ANXA7: variants seen among roughly 807,000 people sequenced by gnomAD.
ANXA7 encodes the protein annexin A7.
Under a neutral mutation model 64.9 loss-of-function variants are expected in ANXA7, and 55 were observed. The ratio of observed to expected loss-of-function variants is 0.85; its 90% CI spans 0.68 to 1.06. ANXA7 has a LOEUF of 1.06. Ranked by LOEUF, ANXA7 falls within the 50% of genes least tolerant of loss-of-function variation. ANXA7 has a pLI of 0.00. For synonymous variants in ANXA7, 200 were observed against 192.4 expected (o/e 1.04, Z -0.33); for missense variants, 548 against 582.1 (o/e 0.94, Z 0.60).
At chr10:73,380,850 C>T (rs2055263755) in intron 9 of ANXA7, among the ~76,000 whole-genome samples, 1 of 152,114 alleles carries the variant, frequency 6.6e-6, no homozygotes, top group African/African-American at 2.4e-5. Flanking sequence ...ATGCACTGTA[C>T]TGAGTTCTAC....
intron 8 of ANXA7, 52 bp from the exon 9 acceptor site, chr10:73,383,397 T>C (rs2055307592): frequency 2.0e-6 from 3 of 1,508,786 alleles, no homozygotes; most frequent in Non-Finnish European, 2.7e-6. Flanking sequence ...TTTCTGCAAG[T>C]AATTAAATCT....
Position 73,380,135 on chromosome 10 carries a change from G to A in ANXA7, c.985C>T (p.Gln329Ter). Residue 329 changes from glutamine to a stop codon, truncating the protein, a stop_gained, in exon 10 of 13, where the codon CAA becomes TAA. Transcript: ENST00000372921. LOFTEE classifies it high-confidence loss of function. ...GTCCCTAGTCTCCCCTCACCAGCTT[G>A]ATAGAGACGCTGAGCATCTTCCTGA... ...MAQEDAQRLY[Q>*]AGEGRLGTDE... 6.2e-7 allele frequency: 1 copy of A among 1,614,118 alleles called. No individual in the cohort carries two copies. Among genetic ancestry groups the A allele is most frequent in the Non-Finnish European group, 8.5e-7 (1 of 1,180,016 alleles).
rs112715179 is a variant in ANXA7, at chr10:73,392,355, C to T, written c.436-3941G>A. ...ATCCTCAGTAACTCATTTTATAAGGCCAACATCATCATGATAACAAAGCCT... is the reference window on the plus strand; with the variant it reads ...ATCCTCAGTAACTCATTTTATAAGGTCAACATCATCATGATAACAAAGCCT... On this transcript the variant is annotated intron_variant, in intron 5 of 12. Transcript: ENST00000372921. Among the ~76,000 whole-genome samples, 442 of 152,236 alleles carry T rather than the reference C, an allele frequency of 2.9e-3. 1 individual carries two copies. Among genetic ancestry groups the T allele is most frequent in the Admixed American group, 8.0e-3 (123 of 15,288 alleles).
chr10:73,396,647 A>C, intron 4 of ANXA7, 64 bp from the exon 5 acceptor site: 1 of 993,910 alleles, frequency 1.0e-6, no homozygotes, highest in East Asian at 2.6e-5. Flanking sequence ...ATTTTTCAAA[A>C]CAGCATTGAT....
chr10:73,383,948 T>C (rs766539137), intron 7 of ANXA7, among the ~76,000 whole-genome samples: 2 of 152,000 alleles, frequency 1.3e-5, no homozygotes, highest in African/African-American at 2.4e-5. Flanking sequence ...GGTGAAACCC[T>C]GTCTCTACTA....
chr10:73,377,904 CGT>C (rs141696096), intron 12 of ANXA7, among the ~76,000 whole-genome samples: 5,953 of 118,996 alleles, frequency 0.05, 297 homozygotes, highest in African/African-American at 0.13. Context: ...CACGCCCCGG[CGT>C]GTGTGTGTGT....
At chr10:73,390,720 A>ATATAT in intron 5 of ANXA7, among the ~76,000 whole-genome samples, 1 of 112,596 alleles carries the variant, frequency 8.9e-6, no homozygotes, top group African/African-American at 4.2e-5. Context: ...ATATATATAT[A>ATATAT]AAAATATATA....
intron 1 of ANXA7, among the ~76,000 whole-genome samples, chr10:73,401,882 C>A (rs1211693185): frequency 6.6e-6 from 1 of 152,198 alleles, no homozygotes; most frequent in African/African-American, 2.4e-5. Flanking sequence ...TCCAGAACCA[C>A]ACCTGGCTGA....
chr10:73,376,586 C>T (rs1201206308), intron 12 of ANXA7, among the ~76,000 whole-genome samples: 1 of 152,182 alleles, frequency 6.6e-6, no homozygotes, highest in Non-Finnish European at 1.5e-5. Context: ...GGTGCAGCTG[C>T]TGTGGAAACT....
intron 1 of ANXA7, among the ~76,000 whole-genome samples, chr10:73,407,401 C>G (rs2055774512): frequency 6.6e-6 from 1 of 152,078 alleles, no homozygotes; most frequent in Non-Finnish European, 1.5e-5. Context: ...GTATATGAAT[C>G]CCTAGGGATC....
chr10:73,383,659 C>T lies in ANXA7; in HGVS notation c.665G>A (p.Ser222Asn). 2 of 1,613,170 alleles carry T rather than the reference C, an allele frequency of 1.2e-6. No individual in the cohort carries two copies. The highest frequency in any genetic ancestry group is 8.5e-7 in the Non-Finnish European group (1 of 1,179,206). Residue 222 changes from serine (S) to asparagine (N), a missense_variant, in exon 8 of 13, where the codon AGT becomes AAT. Coordinates refer to ENST00000372921, the MANE Select transcript of ANXA7 (RefSeq NM_001156.5). ...DLIKDLKSEL[S>N]GNMEELILAL... Reference sequence around the variant, plus strand: ...CAGGATCAGTTCTTCCATATTTCCACTTAACTCTGATTTGAGATCTTTGAT... The same window carrying T: ...CAGGATCAGTTCTTCCATATTTCCATTTAACTCTGATTTGAGATCTTTGAT...
At chr10:73,381,740 C>T (rs2055278890) in intron 9 of ANXA7, among the ~76,000 whole-genome samples, 1 of 152,140 alleles carries the variant, frequency 6.6e-6, no homozygotes, top group Non-Finnish European at 1.5e-5. Context: ...CATTTTTTAG[C>T]ATTGTCTGTT....
In ANXA7 at chr10:73,380,228, A is replaced by C. The variant is rs147533562; in HGVS notation, c.919-27T>G. On this transcript the variant is annotated intron_variant, in intron 9 of 12. Coordinates refer to ENST00000372921, the MANE Select transcript of ANXA7 (RefSeq NM_001156.5). ...TGCAAAAGAGAAAGGCAGGAATTGG[A>C]AGAAATAAATAATAGTTCTACTAAA... 4 of 1,589,234 alleles carry C rather than the reference A, an allele frequency of 2.5e-6. No homozygotes were observed. The African/African-American group carries it at 5.4e-5, about 22-fold the overall frequency.
rs912223313 is a variant in ANXA7, at chr10:73,400,833, T to G, written c.24A>C (p.Pro8=). The change falls in exon 2 of 13, where the codon CCA becomes CCC. Residue 8 remains proline (P), a synonymous_variant. Coordinates refer to ENST00000372921, the MANE Select transcript of ANXA7 (RefSeq NM_001156.5). Reference sequence around the variant, plus strand: ...ATCCAGGGAAAGGTGGGTAGCCTGTTGGGGGATAGCCTGGGTATGACATTC... The same window carrying G: ...ATCCAGGGAAAGGTGGGTAGCCTGTGGGGGGATAGCCTGGGTATGACATTC... The part of the protein sequence containing the change: MSYPGYP[P]TGYPPFPGYP... The G allele has an allele frequency of 1.2e-6, 2 of 1,604,698 alleles. No individual in the cohort carries two copies. The highest frequency in any genetic ancestry group is 1.7e-5 in the Admixed American group (1 of 58,962).
At chr10:73,377,101 A>G (rs994664802) in intron 12 of ANXA7, among the ~76,000 whole-genome samples, 3 of 152,210 alleles carry the variant, frequency 2.0e-5, no homozygotes, top group Non-Finnish European at 2.9e-5. Flanking sequence ...TGATGGTTGC[A>G]TAACAATGTG....
Position 73,395,789 on chromosome 10 carries a change from A to C in ANXA7, c.435+730T>G. On this transcript the variant is annotated intron_variant, in intron 5 of 12. Transcript: ENST00000372921. ...TGCCAACAGTGAAACTCCATCTCAA[A>C]AAAAAAAAAAAAGAAGCCATACGGA... 9.4e-6 allele frequency: 4 copies of C among 425,412 alleles called. No homozygotes were observed. In the Admixed American group the frequency reaches 1.4e-4, roughly 15 times the overall value. 26.4% of individuals were successfully genotyped at this position (425,412 alleles called of 1,614,324 possible). A position where few individuals can be genotyped will look rare whatever the true frequency, so the allele number is the denominator to read the frequency against.
chr10:73,394,645 G>A (rs1380387229), intron 5 of ANXA7, among the ~76,000 whole-genome samples: 1 of 152,158 alleles, frequency 6.6e-6, no homozygotes, highest in Non-Finnish European at 1.5e-5. Flanking sequence ...TCACTCATAG[G>A]TGGGAACTGA....
rs143706553 is a variant in ANXA7 at position 73,405,432 on chromosome 10, C to T, written c.-1-4575G>A. 2.7e-5 allele frequency among the ~76,000 whole-genome samples: 4 copies of T among 150,674 alleles called. 1 individual carries two copies. In the East Asian group the frequency reaches 7.9e-4, roughly 30 times the overall value. ...TGGCATGTGCCTGTAAGCCCAGCTA[C>T]TCAGGAGGCTGAGGCAGAATTGCTT... On this transcript the variant is annotated intron_variant, in intron 1 of 12. Coordinates refer to ENST00000372921, the MANE Select transcript of ANXA7 (RefSeq NM_001156.5).
chr10:73,386,473 A>G (rs2055372127), intron 7 of ANXA7, among the ~76,000 whole-genome samples: 1 of 152,156 alleles, frequency 6.6e-6, no homozygotes, highest in African/African-American at 2.4e-5. Flanking sequence ...ACAAAGTGCT[A>G]TGGGACTACA....
Sources: gnomAD v4.1 joint callset for allele counts (sites outside exome capture counted in the v4.1 genomes callset) on GRCh38, gnomAD v4.1.1 for gene constraint, MANE v1.5 for transcripts, NCBI Gene and HGNC (gene_info 2026-07-23, HGNC 2026-07-21) for gene names.